RREB1: variants seen among roughly 807,000 people sequenced by gnomAD.
The protein encoded by RREB1 is ras-responsive element-binding protein 1.
RREB1 carries 27 observed loss-of-function variants against 117.8 expected under a neutral mutation model. That is an observed-to-expected ratio of 0.23 (90% CI 0.17 to 0.32). The LOEUF (loss-of-function observed/expected upper bound fraction) is 0.32. RREB1 is among the 10% of genes least tolerant of loss of function. The pLI is 1.00. For missense variants in RREB1, 2,577 were observed against 2,378.2 expected (o/e 1.08, Z -1.74); for synonymous variants, 1,298 against 1,026.7 (o/e 1.26, Z -5.05).
chr6:7,123,047 G>A (rs761606155), intron 1 of RREB1, among the ~76,000 whole-genome samples: 25 of 152,214 alleles, frequency 1.6e-4, no homozygotes, highest in South Asian at 8.3e-4. Flanking sequence ...GTTGCCCCTC[G>A]GGTCCCTGGT....
At chr6:7,247,624 A>C (rs1581601608) in intron 12 of RREB1, among the ~76,000 whole-genome samples, 1 of 152,138 alleles carries the variant, frequency 6.6e-6, no homozygotes, top group Non-Finnish European at 1.5e-5. Context: ...GCACTGCCCC[A>C]GGCCGCTGTG....
Position 7,230,850 on chromosome 6 carries a change from C to G in RREB1, c.2751C>G (p.Ile917Met). Residue 917 changes from isoleucine to methionine, a missense_variant, in exon 10 of 13, where the codon ATC becomes ATG. Transcript: ENST00000379938. The stretch of plus-strand genomic sequence containing the variant: ...TGGTCCAAGTGAAGCAGGAAAACAT[C>G]TCCTTTCTGAGCCCTTCTTCCCTGG... ...LALVQVKQEN[I>M]SFLSPSSLVP... 1 of 1,614,248 alleles carries G rather than the reference C, an allele frequency of 6.2e-7. No homozygotes were observed.
intron 1 of RREB1, among the ~76,000 whole-genome samples, chr6:7,124,188 C>T (rs761587925): frequency 6.6e-6 from 1 of 152,078 alleles, no homozygotes; most frequent in Non-Finnish European, 1.5e-5. Context: ...AACACGGTGG[C>T]CTGTGTGTTC....
chr6:7,155,826 G>T (rs182949795), intron 1 of RREB1, among the ~76,000 whole-genome samples: 51 of 152,232 alleles, frequency 3.4e-4, no homozygotes, highest in African/African-American at 1.2e-3. Context: ...TTCCAGGTGG[G>T]TCTATTATTT....
At chr6:7,135,166 A>C (rs1205308892) in intron 1 of RREB1, among the ~76,000 whole-genome samples, 3 of 152,218 alleles carry the variant, frequency 2.0e-5, no homozygotes, top group Non-Finnish European at 4.4e-5. Context: ...AAACAGAAAA[A>C]GATATACTTC....
At position 7,231,057 on chromosome 6, in the gene RREB1, C is replaced by T. The variant is rs61731494; in HGVS notation, c.2958C>T (p.Ser986=). 192 of 1,613,778 alleles carry T rather than the reference C, an allele frequency of 1.2e-4. No individual in the cohort carries two copies. The African/African-American group carries it at 1.8e-3, about 15-fold the overall frequency. ...CTCTTCCTGTAACTTTGGGGCCCAGCGGAATCCTGGAAAGCCCCATGGCCC... is the reference window on the plus strand; with the variant it reads ...CTCTTCCTGTAACTTTGGGGCCCAGTGGAATCCTGGAAAGCCCCATGGCCC... ...GPSLPVTLGP[S]GILESPMAPA... is the part of the protein sequence containing the mutation. Residue 986 remains serine (S), a synonymous_variant, in exon 10 of 13, where the codon AGC becomes AGT. Coordinates refer to ENST00000379938, the MANE Select transcript of RREB1 (RefSeq NM_001003699.4).
Position 7,149,069 on chromosome 6 carries a change from C to T in RREB1, c.-284-27586C>T, listed in dbSNP as rs144303946. ...TCCCGAGTAGCTGGGACTAGAGGCGCGTGCTACCACACCCAGCTAATTTTT... is the reference window on the plus strand; with the variant it reads ...TCCCGAGTAGCTGGGACTAGAGGCGTGTGCTACCACACCCAGCTAATTTTT... On this transcript the variant is annotated intron_variant, in intron 1 of 12. Transcript: ENST00000379938. 4.0e-4 allele frequency among the ~76,000 whole-genome samples: 61 copies of T among 152,146 alleles called. No homozygotes were observed. The East Asian group carries it at 0.011, about 27-fold the overall frequency.
chr6:7,194,530 A>T (rs935279623), intron 6 of RREB1, among the ~76,000 whole-genome samples: 5 of 152,128 alleles, frequency 3.3e-5, no homozygotes, highest in Non-Finnish European at 7.3e-5. Context: ...CAGCGTGGGG[A>T]ACAGAAGAAA....
intron 1 of RREB1, among the ~76,000 whole-genome samples, chr6:7,142,833 G>A (rs923088786): frequency 6.6e-6 from 1 of 152,174 alleles, no homozygotes; most frequent in African/African-American, 2.4e-5. Flanking sequence ...TTTGGTGGTC[G>A]CTTTTCTCTT....
rs750332705 is a variant in RREB1, at chr6:7,229,982, C to T, written c.1883C>T (p.Thr628Ile). The change falls in exon 10 of 13, where the codon ACA (threonine) becomes ATA (isoleucine). Residue 628 changes from threonine (T) to isoleucine (I), a missense_variant. Coordinates refer to ENST00000379938, the MANE Select transcript of RREB1 (RefSeq NM_001003699.4). This position sits in a 1 kb window ranked among gnomAD's most constrained non-coding sequence, Gnocchi z 4.5. ...GAGGGGGAACTCAAGGCCTTCATGACAGCGCCCGGCGGCAAGAAGACGCCC... is the reference window on the plus strand; with the variant it reads ...GAGGGGGAACTCAAGGCCTTCATGATAGCGCCCGGCGGCAAGAAGACGCCC... Reference protein sequence around the residue: ...ITEGELKAFMTAPGGKKTPAM... With the variant: ...ITEGELKAFMIAPGGKKTPAM... 3.7e-6 allele frequency: 6 copies of T among 1,607,256 alleles called. No homozygotes were observed. The highest frequency in any genetic ancestry group is 1.1e-5 in the South Asian group (1 of 90,726).
intron 6 of RREB1, among the ~76,000 whole-genome samples, chr6:7,209,018 A>G (rs6597257): frequency 0.44 from 67,116 of 152,026 alleles, 15,049 homozygotes; most frequent in South Asian, 0.64. Flanking sequence ...AATGGAAATA[A>G]TGATCTGTCT....
At chr6:7,164,122 T>C (rs563022280) in intron 1 of RREB1, among the ~76,000 whole-genome samples, 3 of 152,154 alleles carry the variant, frequency 2.0e-5, no homozygotes, top group African/African-American at 7.2e-5. Context: ...GTCTGACTCA[T>C]CTATTATCTA....
At chr6:7,193,737 T>C (rs887568183) in intron 6 of RREB1, among the ~76,000 whole-genome samples, 1 of 152,242 alleles carries the variant, frequency 6.6e-6, no homozygotes, top group Non-Finnish European at 1.5e-5. Flanking sequence ...CTGAACATAA[T>C]TGTATGCAAT....
intron 1 of RREB1, among the ~76,000 whole-genome samples, chr6:7,161,900 C>T (rs914473004): frequency 4.6e-5 from 7 of 152,202 alleles, no homozygotes; most frequent in Non-Finnish European, 8.8e-5. Context: ...ATTTTTAAAT[C>T]TGCTACCAAG....
chr6:7,249,019 ATAC>A lies in RREB1; in HGVS notation c.*53_*55del. 1 of 1,387,936 alleles carries A rather than the reference ATAC, an allele frequency of 7.2e-7. No individual in the cohort carries two copies. Among genetic ancestry groups the A allele is most frequent in the South Asian group, 1.5e-5 (1 of 66,866 alleles). 86.0% of individuals were successfully genotyped at this position (1,387,936 alleles called of 1,614,324 possible). A position where few individuals can be genotyped will look rare whatever the true frequency, so the allele number is the denominator to read the frequency against. ...CAAAAGCCAGCAGAGCAAAGCGTCT[ATAC>A]TTCATGGGGTTTCCTCAGTGCCCTT... On this transcript the variant is annotated 3_prime_UTR_variant, in exon 13 of 13. Coordinates refer to ENST00000379938, the MANE Select transcript of RREB1 (RefSeq NM_001003699.4).
intron 1 of RREB1, among the ~76,000 whole-genome samples, chr6:7,167,989 G>A (rs899877769): frequency 3.3e-5 from 5 of 151,988 alleles, no homozygotes; most frequent in South Asian, 2.1e-4. Context: ...GGCTGGGCAC[G>A]GTGGTTCACG....
At chr6:7,174,505 G>A (rs1188947736) in intron 1 of RREB1, among the ~76,000 whole-genome samples, 2 of 152,112 alleles carry the variant, frequency 1.3e-5, no homozygotes, top group Admixed American at 1.3e-4. Flanking sequence ...AAAATAAAAT[G>A]AAATGAAGGG....
intron 8 of RREB1, among the ~76,000 whole-genome samples, chr6:7,222,318 GT>G (rs1249970866): frequency 6.6e-6 from 1 of 152,020 alleles, no homozygotes; most frequent in South Asian, 2.1e-4. Flanking sequence ...TTTTAACAAG[GT>G]CATGTGGGGA....
intron 1 of RREB1, among the ~76,000 whole-genome samples, chr6:7,163,962 G>A (rs557759148): frequency 3.3e-5 from 5 of 152,314 alleles, no homozygotes; most frequent in Admixed American, 2.6e-4. Flanking sequence ...CCGTTTGGCC[G>A]GTGGGGTTGA....
Sources: allele counts gnomAD v4.1 joint callset (sites outside exome capture counted in the v4.1 genomes callset), GRCh38; gene constraint gnomAD v4.1.1; non-coding constraint Gnocchi (gnomAD v3.1); transcripts MANE v1.5; gene names NCBI Gene and HGNC (gene_info 2026-07-23, HGNC 2026-07-21).